ST18: variants seen among roughly 807,000 people sequenced by gnomAD.
ST18 encodes the protein ST18 C2H2C-type zinc finger transcription factor.
ST18 carries 50 observed loss-of-function variants against 110.0 expected under a neutral mutation model. That is an observed-to-expected ratio of 0.45 (90% CI 0.36 to 0.58). The LOEUF (loss-of-function observed/expected upper bound fraction) is 0.58. ST18 is among the 20% of genes least tolerant of loss of function. ST18 has a pLI of 0.00. For synonymous variants in ST18, 461 were observed against 452.4 expected, an observed-to-expected ratio of 1.02 and a Z score of -0.24; for missense variants, 1,306 against 1,280.1, an observed-to-expected ratio of 1.02 and a Z score of -0.31.
intron 2 of ST18, among the ~76,000 whole-genome samples, chr8:52,362,386 T>C (rs1685207664): frequency 6.6e-6 from 1 of 152,180 alleles, no homozygotes; most frequent in Non-Finnish European, 1.5e-5. Context: ...CACAGTTAGG[T>C]GAGTAGCCGT....
intron 2 of ST18, among the ~76,000 whole-genome samples, chr8:52,265,396 T>C (rs2094836638): frequency 6.6e-6 from 1 of 152,214 alleles, no homozygotes; most frequent in African/African-American, 2.4e-5. Flanking sequence ...AGCTAGAGGA[T>C]AAACACAATC....
At position 52,111,976 on chromosome 8, in the gene ST18, GT is replaced by G. The variant is rs1262056654; in HGVS notation, c.*1221del. The G allele has an allele frequency of 6.6e-6, 1 of 152,338 alleles. No individual in the cohort carries two copies. The highest frequency in any genetic ancestry group is 1.5e-5 in the Non-Finnish European group (1 of 68,004). The allele number at this position is 152,338 out of a possible 1,614,324, so 9.4% of individuals were successfully genotyped here. On this transcript the variant is annotated 3_prime_UTR_variant, in exon 26 of 26. Coordinates refer to ENST00000689386, the MANE Select transcript of ST18 (RefSeq NM_001352837.2). ...TGTGTGTGTGTGTGTGTGTGTCTGT[GT>G]GTGAGTATGCCTGTGTGTGTGAGTG...
intron 2 of ST18, among the ~76,000 whole-genome samples, chr8:52,365,124 T>A (rs935026963): frequency 6.7e-5 from 9 of 134,310 alleles, no homozygotes; most frequent in Non-Finnish European, 1.3e-4. Flanking sequence ...AAAAAAAAAA[T>A]AAAGAGAAAG....
Position 52,149,052 on chromosome 8 carries a change from T to G in ST18, c.2052+680A>C, listed in dbSNP as rs1056294540. On this transcript the variant is annotated intron_variant, in intron 16 of 25. Coordinates refer to ENST00000689386, the MANE Select transcript of ST18 (RefSeq NM_001352837.2). ...AACCGAGGGTTCTGGCTGTCAGTTC[T>G]TTCGAATGACACTGAGTAGTCCATG... 2.6e-5 allele frequency among the ~76,000 whole-genome samples: 4 copies of G among 152,244 alleles called. No individual in the cohort carries two copies. The South Asian group carries it at 8.3e-4, about 31-fold the overall frequency.
intron 2 of ST18, among the ~76,000 whole-genome samples, chr8:52,259,177 T>C (rs1017889830): frequency 6.6e-6 from 1 of 152,204 alleles, no homozygotes; most frequent in East Asian, 1.9e-4. Context: ...GAGTTTCCCT[T>C]TGAATACTTC....
intron 2 of ST18, among the ~76,000 whole-genome samples, chr8:52,332,756 C>A (rs184365431): frequency 6.6e-6 from 1 of 151,862 alleles, no homozygotes; most frequent in Non-Finnish European, 1.5e-5. Flanking sequence ...GAGGCTGAGG[C>A]GGGAGAATCG....
intron 21 of ST18, among the ~76,000 whole-genome samples, chr8:52,132,561 C>T (rs1044595232): frequency 2.0e-5 from 3 of 152,126 alleles, no homozygotes; most frequent in African/African-American, 7.2e-5. Context: ...ATGTTAACTG[C>T]CTTAACAGAC....
intron 16 of ST18, among the ~76,000 whole-genome samples, chr8:52,146,614 AC>A (rs2057371992): frequency 6.6e-6 from 1 of 152,128 alleles, no homozygotes; most frequent in Non-Finnish European, 1.5e-5. Flanking sequence ...GGATAATGAG[AC>A]ATTGCGTATA....
At chr8:52,257,851 T>A (rs1300456983) in intron 2 of ST18, among the ~76,000 whole-genome samples, 1 of 152,232 alleles carries the variant, frequency 6.6e-6, no homozygotes, top group Non-Finnish European at 1.5e-5. Flanking sequence ...AAGAAACTAT[T>A]GCCAAATTCA....
At chr8:52,152,073 T>C (rs1298939322) in intron 15 of ST18, among the ~76,000 whole-genome samples, 1 of 152,212 alleles carries the variant, frequency 6.6e-6, no homozygotes, top group Non-Finnish European at 1.5e-5. Flanking sequence ...ACTCCTAATG[T>C]TTAAAAGAGG....
chr8:52,145,395 A>T (rs2056901077), intron 16 of ST18, among the ~76,000 whole-genome samples: 1 of 152,192 alleles, frequency 6.6e-6, no homozygotes, highest in South Asian at 2.1e-4. Context: ...TGTAACTTTA[A>T]CACATAGACT....
At chr8:52,240,009 G>C (rs1263858854) in intron 2 of ST18, among the ~76,000 whole-genome samples, 1 of 152,102 alleles carries the variant, frequency 6.6e-6, no homozygotes, top group Non-Finnish European at 1.5e-5. Flanking sequence ...GTCCAGGCTA[G>C]TCTCGAACTG....
intron 25 of ST18, among the ~76,000 whole-genome samples, chr8:52,115,152 TAGGAACTTG>T (rs1481973403): frequency 2.0e-5 from 3 of 152,184 alleles, no homozygotes; most frequent in Non-Finnish European, 4.4e-5. Context: ...AACTCCATGC[TAGGAACTTG>T]GGTAAAATGG....
chr8:52,349,179 C>T (rs768950375), intron 2 of ST18, among the ~76,000 whole-genome samples: 26 of 152,150 alleles, frequency 1.7e-4, no homozygotes, highest in Non-Finnish European at 3.2e-4. Flanking sequence ...GACAATATCT[C>T]CTTCTTCTTT....
intron 2 of ST18, among the ~76,000 whole-genome samples, chr8:52,311,103 G>C (rs2095898502): frequency 6.6e-6 from 1 of 152,188 alleles, no homozygotes; most frequent in Non-Finnish European, 1.5e-5. Context: ...GTGAAGGCTG[G>C]GGAAGAAGCA....
chr8:52,191,047 A>G (rs1185039280), intron 8 of ST18, among the ~76,000 whole-genome samples: 1 of 152,188 alleles, frequency 6.6e-6, no homozygotes, highest in Non-Finnish European at 1.5e-5. Context: ...CATATTCCAC[A>G]CTTGGGACTA....
intron 2 of ST18, among the ~76,000 whole-genome samples, chr8:52,399,697 G>A (rs1470991062): frequency 6.6e-6 from 1 of 151,780 alleles, no homozygotes; most frequent in Non-Finnish European, 1.5e-5. Context: ...CCCATTTGTT[G>A]CTCAGGAACA....
intron 2 of ST18, among the ~76,000 whole-genome samples, chr8:52,372,262 G>A (rs1483045990): frequency 1.3e-5 from 2 of 151,996 alleles, no homozygotes; most frequent in South Asian, 4.2e-4. Context: ...AAAAAAGCTT[G>A]CAGAATAAAG....
At chr8:52,304,317 T>C (rs1002890520) in intron 2 of ST18, among the ~76,000 whole-genome samples, 1 of 152,144 alleles carries the variant, frequency 6.6e-6, no homozygotes, top group Non-Finnish European at 1.5e-5. Context: ...AAAAGATCAG[T>C]GTGTGAGTAC....
Sources: gnomAD v4.1 joint callset for allele counts (sites outside exome capture counted in the v4.1 genomes callset) on GRCh38, gnomAD v4.1.1 for gene constraint, MANE v1.5 for transcripts, NCBI Gene and HGNC (gene_info 2026-07-23, HGNC 2026-07-21) for gene names.